GRIN3A: variants seen among roughly 807,000 people sequenced by gnomAD.
GRIN3A encodes the protein glutamate ionotropic receptor NMDA type subunit 3A.
Under a neutral mutation model 92.4 loss-of-function variants are expected in GRIN3A, and 47 were observed. That is an observed-to-expected ratio of 0.51 (90% CI 0.40 to 0.65). The LOEUF (loss-of-function observed/expected upper bound fraction) is 0.65, where lower values mean the gene tolerates loss of function less well. Among genes scored for constraint, GRIN3A ranks in the 30% least tolerant of loss-of-function variants. GRIN3A has a pLI of 0.00. For missense variants in GRIN3A, 1,324 were observed against 1,393.1 expected, an observed-to-expected ratio of 0.95 and a Z score of 0.79; for synonymous variants, 527 against 540.6, an observed-to-expected ratio of 0.97 and a Z score of 0.35.
At chr9:101,698,038 G>A (rs1829704997) in intron 1 of GRIN3A, among the ~76,000 whole-genome samples, 1 of 152,136 alleles carries the variant, frequency 6.6e-6, no homozygotes, top group Admixed American at 6.5e-5. Flanking sequence ...AGAACACACT[G>A]ATTTATGAAG....
In GRIN3A at chr9:101,670,434, G is replaced by C; in HGVS notation, c.1978C>G (p.Arg660Gly). The part of the protein sequence containing the change: ...STSLGILVRT[R>G]DTAAPIGAFM... ...GCTCCAATGGGAGCTGCTGTATCTC[G>C]GGTCCTCACTAAGATGCCCAAGCTG... Residue 660 changes from arginine to glycine, a missense_variant, in exon 3 of 9, where the codon CGA (arginine) becomes GGA (glycine). By Grantham distance (125) the Arg-to-Gly change is moderately radical. Transcript: ENST00000361820. 6.2e-7 allele frequency: 1 copy of C among 1,613,926 alleles called. No individual in the cohort carries two copies. Among genetic ancestry groups the C allele is most frequent in the South Asian group, 1.1e-5 (1 of 91,074 alleles).
rs776923030 is a variant in GRIN3A, at chr9:101,594,362, T to C, written c.2767-15002A>G. 2.8e-5 allele frequency: 43 copies of C among 1,538,616 alleles called. No homozygotes were observed. The Admixed American group carries it at 7.8e-4, about 28-fold the overall frequency. Reference sequence around the variant, plus strand: ...CGTCTTGAGCAAATCTTGAAAGAGATAGGGAAGAAAGCAGAAGTTGTTGGG... The same window carrying C: ...CGTCTTGAGCAAATCTTGAAAGAGACAGGGAAGAAAGCAGAAGTTGTTGGG... On this transcript the variant is annotated intron_variant, in intron 6 of 8. Transcript: ENST00000361820.
intron 3 of GRIN3A, among the ~76,000 whole-genome samples, chr9:101,650,803 GCCTGGAATTCCACCC>G (rs1829004606): frequency 6.6e-6 from 1 of 151,852 alleles, no homozygotes; most frequent in Non-Finnish European, 1.5e-5. Context: ...TGTTACCTCT[GCCTGGAATTCCACCC>G]CCCCACACAC....
chr9:101,611,953 C>T (rs1322095801), intron 6 of GRIN3A, among the ~76,000 whole-genome samples: 2 of 152,118 alleles, frequency 1.3e-5, no homozygotes, highest in Admixed American at 6.6e-5. Context: ...AGGCAACAGC[C>T]TGTGCAGGGA....
intron 6 of GRIN3A, chr9:101,594,704 T>G: frequency 6.2e-7 from 1 of 1,614,226 alleles, no homozygotes; most frequent in South Asian, 1.1e-5. Flanking sequence ...GATGAATTCC[T>G]TGAAGTCCAC....
At chr9:101,724,716 T>G (rs1352316903) in intron 1 of GRIN3A, among the ~76,000 whole-genome samples, 1 of 152,236 alleles carries the variant, frequency 6.6e-6, no homozygotes, top group African/African-American at 2.4e-5. Context: ...TATCAGGGAT[T>G]TCTGATTTTG....
chr9:101,596,869 G>A (rs1006244237), intron 6 of GRIN3A, among the ~76,000 whole-genome samples: 11 of 152,172 alleles, frequency 7.2e-5, no homozygotes, highest in African/African-American at 2.7e-4. Flanking sequence ...TGGAACCAAC[G>A]CCTCAGGACC....
chr9:101,702,614 T>C (rs1319073460), intron 1 of GRIN3A, among the ~76,000 whole-genome samples: 1 of 152,192 alleles, frequency 6.6e-6, no homozygotes, highest in Admixed American at 6.5e-5. Context: ...TCTCTTCTTA[T>C]CTGCACTCTC....
intron 1 of GRIN3A, among the ~76,000 whole-genome samples, chr9:101,698,970 C>T (rs1003619304): frequency 1.3e-5 from 2 of 152,110 alleles, no homozygotes; most frequent in Non-Finnish European, 2.9e-5. Context: ...GCCTGGCCTA[C>T]ACTAAATTTA....
At chr9:101,709,662 T>A (rs1829855182) in intron 1 of GRIN3A, among the ~76,000 whole-genome samples, 1 of 152,252 alleles carries the variant, frequency 6.6e-6, no homozygotes, top group Admixed American at 6.5e-5. Context: ...GGGAGAATAA[T>A]GCCTTCCTCT....
In GRIN3A at chr9:101,570,596, A is replaced by G. The variant is rs576646653; in HGVS notation, c.*2578T>C. ...TGTTGATGGCAGTAAGCCTGCTGTC[A>G]GCCCCTGCTGCTGCTTGCTGCATCC... On this transcript the variant is annotated 3_prime_UTR_variant, in exon 9 of 9. Coordinates refer to ENST00000361820, the MANE Select transcript of GRIN3A (RefSeq NM_133445.3). 290 of 152,782 alleles carry G rather than the reference A, an allele frequency of 1.9e-3. No individual in the cohort carries two copies. The highest frequency in any genetic ancestry group is 6.4e-3 in the African/African-American group (266 of 41,592). 9.5% of individuals were successfully genotyped at this position (152,782 alleles called of 1,614,324 possible). A position where few individuals can be genotyped will look rare whatever the true frequency, so the allele number is the denominator to read the frequency against.
chr9:101,734,107 T>A (rs935541596), intron 1 of GRIN3A, among the ~76,000 whole-genome samples: 9 of 152,128 alleles, frequency 5.9e-5, no homozygotes, highest in Admixed American at 1.3e-4. Context: ...TATATTTTTT[T>A]TAAAAAATGT....
chr9:101,735,515 A>G (rs1185175038), intron 1 of GRIN3A, among the ~76,000 whole-genome samples: 2 of 151,750 alleles, frequency 1.3e-5, no homozygotes, highest in Non-Finnish European at 2.9e-5. Flanking sequence ...CTAGAACACA[A>G]CTTCCCTTCT....
At chr9:101,708,928 A>G (rs758367509) in intron 1 of GRIN3A, among the ~76,000 whole-genome samples, 15 of 152,238 alleles carry the variant, frequency 9.9e-5, no homozygotes, top group African/African-American at 3.4e-4. Flanking sequence ...AGAAAGCTCA[A>G]GATTGAATCT....
intron 1 of GRIN3A, among the ~76,000 whole-genome samples, chr9:101,733,853 C>CT (rs752388117): frequency 2.9e-3 from 434 of 149,106 alleles, no homozygotes; most frequent in Non-Finnish European, 4.5e-3. Flanking sequence ...AGTGGGATCA[C>CT]TTTTTTTTTT....
chr9:101,581,416 G>A (rs527618227), intron 6 of GRIN3A, among the ~76,000 whole-genome samples: 90 of 152,316 alleles, frequency 5.9e-4, no homozygotes, highest in Middle Eastern at 3.4e-3. Flanking sequence ...AAACTCATAT[G>A]TTTAAACCTA....
Position 101,691,900 on chromosome 9 carries a change from T to A in GRIN3A, c.700-4700A>T, listed in dbSNP as rs28685096. Among the ~76,000 whole-genome samples, 1,357 of 152,306 alleles carry A rather than the reference T, an allele frequency of 8.9e-3. 22 individuals carry two copies. Among genetic ancestry groups the A allele is most frequent in the African/African-American group, 0.031 (1,289 of 41,568 alleles). On this transcript the variant is annotated intron_variant, in intron 1 of 8. Transcript: ENST00000361820. Reference sequence around the variant, plus strand: ...TTGTAAGTCATTTAGTATCTCTGAGTCATACCTCCCTCATCTCTAAAATGA... The same window carrying A: ...TTGTAAGTCATTTAGTATCTCTGAGACATACCTCCCTCATCTCTAAAATGA...
chr9:101,732,269 T>A (rs1343741975), intron 1 of GRIN3A, among the ~76,000 whole-genome samples: 1 of 152,186 alleles, frequency 6.6e-6, no homozygotes, highest in East Asian at 1.9e-4. Flanking sequence ...GGATGTTTGC[T>A]TTGTGGTGTA....
intron 3 of GRIN3A, among the ~76,000 whole-genome samples, chr9:101,664,864 A>T (rs1829218272): frequency 6.6e-6 from 1 of 151,980 alleles, no homozygotes. Context: ...AAATGGAGCT[A>T]TTACATTCAT....
Sources: gnomAD v4.1 joint callset for allele counts (sites outside exome capture counted in the v4.1 genomes callset) on GRCh38, gnomAD v4.1.1 for gene constraint, MANE v1.5 for transcripts, NCBI Gene and HGNC (gene_info 2026-07-23, HGNC 2026-07-21) for gene names.